The following ARHGEF37 variants were observed in gnomAD, a reference collection of about 807,000 sequenced individuals.
The protein encoded by ARHGEF37 is Rho guanine nucleotide exchange factor (GEF) 37.
Under a neutral mutation model 71.1 loss-of-function variants are expected in ARHGEF37, and 55 were observed. The observed-to-expected ratio is 0.77, with a 90% CI of 0.62 to 0.97. The LOEUF (loss-of-function observed/expected upper bound fraction) is 0.97, where lower values mean the gene tolerates loss of function less well. Among genes scored for constraint, ARHGEF37 ranks in the 50% least tolerant of loss-of-function variants. The probability of loss-of-function intolerance (pLI) is 0.00; values close to 1 mark genes in which losing one functional copy is unlikely to be tolerated. For missense variants in ARHGEF37, 765 were observed against 836.8 expected, an observed-to-expected ratio of 0.91 and a Z score of 1.06; for synonymous variants, 327 against 350.6, an observed-to-expected ratio of 0.93 and a Z score of 0.75.
chr5:149,586,608 C>A (rs1163818466), intron 1 of ARHGEF37, among the ~76,000 whole-genome samples: 1 of 152,210 alleles, frequency 6.6e-6, no homozygotes, highest in Non-Finnish European at 1.5e-5. Context: ...TGCTGTGTAT[C>A]CAGTCAGGAA....
intron 7 of ARHGEF37, among the ~76,000 whole-genome samples, chr5:149,619,873 C>T (rs939521226): frequency 6.6e-6 from 1 of 152,094 alleles, no homozygotes; most frequent in African/African-American, 2.4e-5. Flanking sequence ...AGTTCAAGAC[C>T]AGCCTGGTCA....
chr5:149,598,774 A>G (rs1354514087), intron 2 of ARHGEF37, among the ~76,000 whole-genome samples: 2 of 83,278 alleles, frequency 2.4e-5, no homozygotes, highest in East Asian at 4.4e-4. Context: ...AGATATAGAT[A>G]TAGATATATA....
intron 3 of ARHGEF37, among the ~76,000 whole-genome samples, chr5:149,607,456 C>T (rs1763943716): frequency 1.3e-5 from 2 of 152,218 alleles, no homozygotes; most frequent in South Asian, 2.1e-4. Flanking sequence ...ACATCCCCCA[C>T]CATTTTCTAA....
intron 3 of ARHGEF37, among the ~76,000 whole-genome samples, chr5:149,605,880 C>G (rs1763900516): frequency 6.6e-6 from 1 of 152,176 alleles, no homozygotes; most frequent in Non-Finnish European, 1.5e-5. Context: ...CTTGACCATG[C>G]TGCCTCCCTT....
chr5:149,628,255 A>G (rs926406316), intron 11 of ARHGEF37, among the ~76,000 whole-genome samples: 1 of 152,170 alleles, frequency 6.6e-6, no homozygotes, highest in African/African-American at 2.4e-5. Context: ...AGAGGATAAT[A>G]TCACTGGCTG....
chr5:149,612,871 CA>C (rs1392196218), intron 4 of ARHGEF37, among the ~76,000 whole-genome samples: 2 of 152,180 alleles, frequency 1.3e-5, no homozygotes, highest in African/African-American at 4.8e-5. Context: ...CTTGGGATTC[CA>C]AAATGCACGC....
intron 1 of ARHGEF37, among the ~76,000 whole-genome samples, chr5:149,568,971 A>T (rs1021953129): frequency 6.6e-6 from 1 of 152,058 alleles, no homozygotes; most frequent in Non-Finnish European, 1.5e-5. Context: ...ATGTGTATGT[A>T]TATTTATGTG....
intron 11 of ARHGEF37, 116 bp from the exon 12 acceptor site, chr5:149,628,693 G>T (rs1020213141): frequency 5.1e-6 from 7 of 1,361,862 alleles, no homozygotes; most frequent in Non-Finnish European, 6.9e-6. Flanking sequence ...TGACCTTTTG[G>T]TTCTCTTGGG....
rs570369760 is a variant in ARHGEF37 at position 149,615,450 on chromosome 5, C to T, written c.459-1117C>T. ...AATACTATAATGTGATAGATACATA[C>T]CCACCACCTAAAATTAACAAGTGTT... On this transcript the variant is annotated intron_variant, in intron 4 of 12. Transcript: ENST00000333677. Among the ~76,000 whole-genome samples, 9 of 151,872 alleles carry T rather than the reference C, an allele frequency of 5.9e-5. No homozygotes were observed. The East Asian group carries it at 1.7e-3, about 29-fold the overall frequency.
At chr5:149,555,422 A>G (rs1328597307) in intron 1 of ARHGEF37, among the ~76,000 whole-genome samples, 2 of 151,634 alleles carry the variant, frequency 1.3e-5, no homozygotes, top group East Asian at 1.9e-4. Context: ...CCCTGCCTCA[A>G]GCTTCCCCAG....
At chr5:149,598,763 T>C (rs1223671943) in intron 2 of ARHGEF37, among the ~76,000 whole-genome samples, 1 of 131,062 alleles carries the variant, frequency 7.6e-6, no homozygotes, top group African/African-American at 2.7e-5. Flanking sequence ...TATATAGATA[T>C]AGATATAGAT....
chr5:149,564,937 A>G (rs192915077), intron 1 of ARHGEF37, among the ~76,000 whole-genome samples: 39 of 152,358 alleles, frequency 2.6e-4, no homozygotes, highest in African/African-American at 9.1e-4. Flanking sequence ...CAATGCTGCC[A>G]TCTTGAGGAT....
intron 10 of ARHGEF37, among the ~76,000 whole-genome samples, chr5:149,625,606 C>T (rs1171380917): frequency 2.0e-5 from 3 of 152,234 alleles, no homozygotes; most frequent in African/African-American, 4.8e-5. Flanking sequence ...CATCTGTCCC[C>T]GCTCTTACTC....
In ARHGEF37 at chr5:149,616,731, C is replaced by T; in HGVS notation, c.623C>T (p.Thr208Ile). 6.2e-7 allele frequency: 1 copy of T among 1,613,048 alleles called. No homozygotes were observed. The highest frequency in any genetic ancestry group is 1.7e-4 in the Middle Eastern group (1 of 6,056). The change falls in exon 5 of 13, where the codon ACC becomes ATC. Residue 208 changes from threonine to isoleucine, a missense_variant. This residue lies in a region of ARHGEF37 where 167 missense variants were observed against 173.3 expected (regional missense o/e 0.96). Transcript: ENST00000333677. ...RAVSALQDVN[T>I]NINEYKMRKE... ...GTCTCTGCCCTCCAGGACGTGAACA[C>T]CAATATCAATGAGTACAAGATGCGC...
At chr5:149,622,424 T>C (rs1752574136) in intron 9 of ARHGEF37, among the ~76,000 whole-genome samples, 1 of 152,208 alleles carries the variant, frequency 6.6e-6, no homozygotes, top group South Asian at 2.1e-4. Context: ...AAGGAGTAAA[T>C]GTCTCAAGCC....
intron 3 of ARHGEF37, among the ~76,000 whole-genome samples, chr5:149,608,057 C>T (rs757587927): frequency 1.3e-5 from 2 of 151,976 alleles, no homozygotes; most frequent in African/African-American, 2.4e-5. Flanking sequence ...CATGAGCCAC[C>T]GGGCCCGGCC....
intron 1 of ARHGEF37, among the ~76,000 whole-genome samples, chr5:149,553,608 A>G (rs544441145): frequency 9.8e-5 from 15 of 152,308 alleles, no homozygotes; most frequent in Admixed American, 1.3e-4. Context: ...AAAATGCTCA[A>G]TGAAGCCGGG....
At chr5:149,594,834 G>T (rs867081708) in intron 1 of ARHGEF37, among the ~76,000 whole-genome samples, 2 of 152,148 alleles carry the variant, frequency 1.3e-5, no homozygotes, top group Admixed American at 6.6e-5. Flanking sequence ...TAACATTTTT[G>T]CCATGTATCC....
At chr5:149,607,918 C>T (rs1763961817) in intron 3 of ARHGEF37, among the ~76,000 whole-genome samples, 1 of 151,926 alleles carries the variant, frequency 6.6e-6, no homozygotes, top group African/African-American at 2.4e-5. Context: ...AGGTGCCCGC[C>T]ACCATGCCTG....
Sources: allele counts gnomAD v4.1 joint callset (sites outside exome capture counted in the v4.1 genomes callset), GRCh38; gene constraint gnomAD v4.1.1; regional missense constraint gnomAD v4.1.1; transcripts MANE v1.5; gene names NCBI Gene and HGNC (gene_info 2026-07-23, HGNC 2026-07-21).